The following MAST4 variants were observed in gnomAD, a reference collection of about 807,000 sequenced individuals.
The protein encoded by MAST4 is microtubule associated serine/threonine kinase family member 4, also known as microtubule-associated serine/threonine-protein kinase 4.
Under a neutral mutation model 162.7 loss-of-function variants are expected in MAST4, and 89 were observed. That is an observed-to-expected ratio of 0.55 (90% CI 0.46 to 0.65). The LOEUF is 0.65. MAST4 is among the 30% of genes least tolerant of loss of function. The probability of loss-of-function intolerance (pLI) is 0.00; values close to 1 mark genes in which losing one functional copy is unlikely to be tolerated. For missense variants in MAST4, 3,153 were observed against 3,374.0 expected (o/e 0.93, Z 1.62); for synonymous variants, 1,479 against 1,361.1 (o/e 1.09, Z -1.91).
At chr5:66,625,065 A>G (rs761357855) in intron 1 of MAST4, among the ~76,000 whole-genome samples, 9 of 152,188 alleles carry the variant, frequency 5.9e-5, no homozygotes, top group Non-Finnish European at 1.2e-4. Flanking sequence ...AAAGCTCTAG[A>G]GCATGACCTA....
rs760696861 is a variant in MAST4, at chr5:67,152,679, A to G, written c.3338A>G (p.His1113Arg). Residue 1113 changes from histidine (H) to arginine (R), a missense_variant, in exon 25 of 29, where the codon CAT becomes CGT. Physicochemically the swap from His to Arg is conservative, Grantham distance 29. Coordinates refer to ENST00000403625, the MANE Select transcript of MAST4 (RefSeq NM_001164664.2). ...VSPLGSPMSP[H>R]SLSSDPSSSR... ...CCTCTGGGAAGTCCAATGTCTCCCCATTCCCTGTCCTCGGACCCTTCTTCT... is the reference window on the plus strand; with the variant it reads ...CCTCTGGGAAGTCCAATGTCTCCCCGTTCCCTGTCCTCGGACCCTTCTTCT... 3.1e-6 allele frequency: 5 copies of G among 1,614,002 alleles called. No homozygotes were observed. The highest frequency in any genetic ancestry group is 4.5e-5 in the East Asian group (2 of 44,878).
chr5:67,161,175 TTGCCAGGCAGCTCTC>T (rs1773140853), intron 27 of MAST4, among the ~76,000 whole-genome samples: 1 of 152,234 alleles, frequency 6.6e-6, no homozygotes, highest in African/African-American at 2.4e-5. Context: ...GGGCTGTTTC[TTGCCAGGCAGCTCTC>T]TGGGTGTGCC....
At chr5:66,732,642 G>C (rs1009022972) in intron 1 of MAST4, among the ~76,000 whole-genome samples, 1 of 152,176 alleles carries the variant, frequency 6.6e-6, no homozygotes, top group African/African-American at 2.4e-5. Flanking sequence ...ATCAACATTT[G>C]TTCTTTGAAT....
intron 3 of MAST4, among the ~76,000 whole-genome samples, chr5:66,801,245 A>G (rs1261338770): frequency 2.0e-5 from 3 of 152,214 alleles, no homozygotes; most frequent in Non-Finnish European, 4.4e-5. Context: ...CATTTACTGT[A>G]GAATTTCAGA....
chr5:66,973,768 C>T (rs1481957813), intron 4 of MAST4, among the ~76,000 whole-genome samples: 1 of 151,988 alleles, frequency 6.6e-6, no homozygotes, highest in African/African-American at 2.4e-5. Flanking sequence ...AAGAATATTC[C>T]CTCCTTTCTC....
intron 1 of MAST4, among the ~76,000 whole-genome samples, chr5:66,665,615 C>G (rs1045435194): frequency 3.9e-5 from 6 of 152,192 alleles, no homozygotes; most frequent in Admixed American, 6.5e-5. Flanking sequence ...TATGGAGGCA[C>G]TTAGGACATC....
intron 3 of MAST4, among the ~76,000 whole-genome samples, chr5:66,811,152 A>G (rs1318029866): frequency 6.6e-6 from 1 of 152,146 alleles, no homozygotes; most frequent in Non-Finnish European, 1.5e-5. Context: ...GCTCCCTCAC[A>G]GTTGGCCTCT....
chr5:66,725,992 T>C lies in MAST4; in HGVS notation c.364-33717T>C, dbSNP rs540600619. ...CCTGGTTGTGGAGATACACACAAAC[T>C]AGATAATAAGTTAAAATCTTTATAC... On this transcript the variant is annotated intron_variant, in intron 1 of 28. Transcript: ENST00000403625. Among the ~76,000 whole-genome samples the C allele has an allele frequency of 3.9e-5, 6 of 152,148 alleles. No homozygotes were observed. The East Asian group carries it at 1.2e-3, about 29-fold the overall frequency.
intron 4 of MAST4, among the ~76,000 whole-genome samples, chr5:67,024,281 T>C (rs1034630029): frequency 4.0e-5 from 6 of 150,672 alleles, no homozygotes; most frequent in Non-Finnish European, 5.9e-5. Flanking sequence ...ACACACACGA[T>C]GGAACACTGT....
chr5:66,829,613 C>T (rs941875895), intron 3 of MAST4, among the ~76,000 whole-genome samples: 10 of 151,986 alleles, frequency 6.6e-5, no homozygotes, highest in African/African-American at 2.4e-4. Flanking sequence ...ATGGTTAACT[C>T]CTGCATAACT....
intron 3 of MAST4, among the ~76,000 whole-genome samples, chr5:66,821,211 T>G (rs1441894054): frequency 6.6e-6 from 1 of 152,252 alleles, no homozygotes; most frequent in Non-Finnish European, 1.5e-5. Context: ...GAAAAATTCC[T>G]ACTTTCCCTG....
intron 3 of MAST4, among the ~76,000 whole-genome samples, chr5:66,865,649 C>T (rs1760458247): frequency 6.6e-6 from 1 of 152,120 alleles, no homozygotes; most frequent in Admixed American, 6.5e-5. Context: ...AAGTTTAGGA[C>T]ACAACCTAAA....
chr5:67,160,308 CTTCT>C, intron 26 of MAST4, 144 bp from the exon 27 acceptor site: 1 of 818,818 alleles, frequency 1.2e-6, no homozygotes, highest in Non-Finnish European at 1.8e-6. Flanking sequence ...TCTGGCAGGA[CTTCT>C]TTGATTGAAG....
chr5:66,659,961 G>C (rs1044145483), intron 1 of MAST4, among the ~76,000 whole-genome samples: 1 of 151,900 alleles, frequency 6.6e-6, no homozygotes, highest in Non-Finnish European at 1.5e-5. Context: ...GTGGTTGCTT[G>C]TGAAGACATG....
At chr5:66,626,767 T>G (rs868828049) in intron 1 of MAST4, among the ~76,000 whole-genome samples, 3 of 151,994 alleles carry the variant, frequency 2.0e-5, no homozygotes, top group Non-Finnish European at 2.9e-5. Context: ...TTTCAAGGGG[T>G]GAGGGTTGAG....
At chr5:66,847,380 C>T (rs1160344014) in intron 3 of MAST4, among the ~76,000 whole-genome samples, 2 of 152,152 alleles carry the variant, frequency 1.3e-5, no homozygotes, top group East Asian at 1.9e-4. Context: ...CGTCTGTAAT[C>T]CCAGCATTTT....
At chr5:66,746,548 G>A (rs1052378273) in intron 1 of MAST4, among the ~76,000 whole-genome samples, 1 of 152,200 alleles carries the variant, frequency 6.6e-6, no homozygotes, top group African/African-American at 2.4e-5. Context: ...AAAGCTGGAA[G>A]CAGGCATATA....
chr5:66,703,761 A>G (rs1386425885), intron 1 of MAST4, among the ~76,000 whole-genome samples: 1 of 152,204 alleles, frequency 6.6e-6, no homozygotes, highest in Non-Finnish European at 1.5e-5. Context: ...GGAAATAGTC[A>G]TTAAGCTAGT....
chr5:66,796,859 A>C (rs1755676699), intron 3 of MAST4, among the ~76,000 whole-genome samples: 1 of 152,122 alleles, frequency 6.6e-6, no homozygotes, highest in South Asian at 2.1e-4. Context: ...TATCTGTAGC[A>C]CCAAGGACAG....
Sources: gnomAD v4.1 joint callset for allele counts (sites outside exome capture counted in the v4.1 genomes callset) on GRCh38, gnomAD v4.1.1 for gene constraint, MANE v1.5 for transcripts, NCBI Gene and HGNC (gene_info 2026-07-23, HGNC 2026-07-21) for gene names.